The following FANCB variants were observed in gnomAD, a reference collection of about 807,000 sequenced individuals.
FANCB encodes the protein FA complementation group B, also known as Fanconi anemia group B protein.
In FANCB, 5 loss-of-function variants were observed where a neutral mutation model predicts 38.9. That is an observed-to-expected ratio of 0.13 (90% CI 0.07 to 0.27). The LOEUF is 0.27. FANCB is among the 10% of genes least tolerant of loss of function. The pLI, the probability that FANCB is intolerant of heterozygous loss-of-function variation, is 1.00. For synonymous variants in FANCB, 236 were observed against 215.4 expected (o/e 1.10, Z -0.84); for missense variants, 573 against 602.7 (o/e 0.95, Z 0.52).
chrX:14,694,918 A>G, the FANCB span, among the ~76,000 whole-genome samples: 1 of 112,126 alleles, frequency 8.9e-6, no homozygotes, highest in East Asian at 2.8e-4. Flanking sequence ...TAGTGTTACC[A>G]TTTATTAAGA....
the FANCB span, among the ~76,000 whole-genome samples, chrX:14,775,304 C>T: frequency 1.8e-5 from 2 of 109,052 alleles, no homozygotes; most frequent in Non-Finnish European, 3.8e-5. Flanking sequence ...TGCTGCTGAT[C>T]GTGTCCCTGC....
At chrX:14,843,215 T>C (rs891651710), downstream of FANCB, among the ~76,000 whole-genome samples, 1 of 111,664 alleles carries the variant, frequency 9.0e-6, no homozygotes, top group African/African-American at 3.3e-5. Flanking sequence ...TAATTCTTTG[T>C]TGTAGGGGGC....
downstream of FANCB, among the ~76,000 whole-genome samples, chrX:14,834,011 G>A (rs721962): frequency 0.46 from 48,959 of 107,276 alleles, 8,361 homozygotes; most frequent in East Asian, 0.81. Flanking sequence ...AAACAAAAAC[G>A]ACAACAAAAA....
chrX:14,726,300 T>C, the FANCB span, among the ~76,000 whole-genome samples: 2 of 112,281 alleles, frequency 1.8e-5, no homozygotes, highest in African/African-American at 6.5e-5. Context: ...AGTTATGTTT[T>C]CAGAATCAAA....
At chrX:14,814,580 T>A in the FANCB span, among the ~76,000 whole-genome samples, 1 of 112,532 alleles carries the variant, frequency 8.9e-6, no homozygotes, top group Non-Finnish European at 1.9e-5. Flanking sequence ...ATGCTCATCA[T>A]CACTGGTCAT....
chrX:14,691,425 G>A, the FANCB span, among the ~76,000 whole-genome samples: 1 of 110,860 alleles, frequency 9.0e-6, no homozygotes, highest in African/African-American at 3.3e-5. Context: ...ATTGCAACAT[G>A]ATAAATCCAG....
the FANCB span, among the ~76,000 whole-genome samples, chrX:14,801,648 G>A: frequency 1.8e-5 from 2 of 111,596 alleles, no homozygotes; most frequent in Non-Finnish European, 3.8e-5. Context: ...ATGTGTGTGT[G>A]TGTACTGGGT....
intron 4 of FANCB, among the ~76,000 whole-genome samples, chrX:14,858,351 C>T (rs2092432115): frequency 9.2e-6 from 1 of 109,009 alleles, no homozygotes; most frequent in Admixed American, 9.8e-5. Flanking sequence ...GCTGACATTG[C>T]ACCACTGCAC....
At chrX:14,695,330 T>C in the FANCB span, among the ~76,000 whole-genome samples, 1 of 111,368 alleles carries the variant, frequency 9.0e-6, no homozygotes, top group African/African-American at 3.3e-5. Context: ...TGTGTGCTCA[T>C]GGGGGGATAT....
At chrX:14,799,393 A>G in the FANCB span, among the ~76,000 whole-genome samples, 1 of 112,265 alleles carries the variant, frequency 8.9e-6, no homozygotes, top group Non-Finnish European at 1.9e-5. Flanking sequence ...GCCCACCAGT[A>G]TCATTAAGAT....
At chrX:14,754,909 C>T in the FANCB span, among the ~76,000 whole-genome samples, 1 of 111,307 alleles carries the variant, frequency 9.0e-6, no homozygotes, top group East Asian at 2.8e-4. Context: ...AACTACAGGC[C>T]AATCTCCCTG....
chrX:14,690,659 T>TTCTCTC, the FANCB span: 1 of 774,728 alleles, frequency 1.3e-6, no homozygotes, highest in Non-Finnish European at 1.9e-6. Flanking sequence ...TAGTCTTTCT[T>TTCTCTC]TCTCTCTCTC....
the FANCB span, among the ~76,000 whole-genome samples, chrX:14,714,375 C>A: frequency 1.8e-5 from 2 of 111,204 alleles, no homozygotes; most frequent in East Asian, 5.7e-4. Context: ...AAGCTCAGTT[C>A]CCAAGAACAA....
the FANCB span, among the ~76,000 whole-genome samples, chrX:14,819,578 T>C: frequency 9.0e-6 from 1 of 111,362 alleles, no homozygotes; most frequent in Non-Finnish European, 1.9e-5. Context: ...TTTTGTTTGA[T>C]TGGTTGGTTG....
chrX:14,735,257 C>T, the FANCB span, among the ~76,000 whole-genome samples: 1 of 110,337 alleles, frequency 9.1e-6, no homozygotes, highest in Non-Finnish European at 1.9e-5. Context: ...CATTCTCTCT[C>T]CAGTTTTGTT....
the FANCB span, among the ~76,000 whole-genome samples, chrX:14,822,189 G>T: frequency 1.8e-5 from 2 of 110,506 alleles, no homozygotes; most frequent in African/African-American, 6.6e-5. Flanking sequence ...GGGAGAGAAG[G>T]AAGCAGTGCA....
chrX:14,838,513 C>T (rs2092346643), downstream of FANCB, among the ~76,000 whole-genome samples: 1 of 111,605 alleles, frequency 9.0e-6, no homozygotes. Context: ...ACCCCCATCA[C>T]ACCCCCAATG....
chrX:14,731,422 A>AGAT, the FANCB span: 1 of 111,792 alleles, frequency 8.9e-6, no homozygotes. Flanking sequence ...GTATTTATGG[A>AGAT]GATGGTGTGT....
the FANCB span, among the ~76,000 whole-genome samples, chrX:14,829,632 C>T: frequency 4.6e-4 from 51 of 112,012 alleles, no homozygotes; most frequent in African/African-American, 1.3e-3. Context: ...GTTATAGAGA[C>T]GGTTTCTTTC....
Sources: gnomAD v4.1 joint callset for allele counts (sites outside exome capture counted in the v4.1 genomes callset) on GRCh38, gnomAD v4.1.1 for gene constraint, MANE v1.5 for transcripts, NCBI Gene and HGNC (gene_info 2026-07-23, HGNC 2026-07-21) for gene names.